The following TMCC2 variants were observed in gnomAD, a reference collection of about 807,000 sequenced individuals.
TMCC2 encodes the protein transmembrane and coiled-coil domain family 2, also known as transmembrane and coiled-coil domains protein 2.
Under a neutral mutation model 49.4 loss-of-function variants are expected in TMCC2, and 16 were observed. The ratio of observed to expected loss-of-function variants is 0.32; its 90% CI spans 0.22 to 0.49. TMCC2 has a LOEUF of 0.49. TMCC2 is among the 20% of genes least tolerant of loss of function. The pLI, the probability that TMCC2 is intolerant of heterozygous loss-of-function variation, is 0.99. For missense variants in TMCC2, 762 were observed against 989.8 expected (o/e 0.77, Z 3.09); for synonymous variants, 397 against 434.1 (o/e 0.91, Z 1.06).
At chr1:205,271,741 G>A in intron 4 of TMCC2, 72 bp from the exon 5 acceptor site, 1 of 1,543,238 alleles carries the variant, frequency 6.5e-7, no homozygotes, top group Non-Finnish European at 8.7e-7. Flanking sequence ...TTCTCAGTGG[G>A]GTAGGTAGGT....
rs942208880 is a variant in TMCC2, at chr1:205,241,362, C to T, written c.208-143C>T. The T allele has an allele frequency of 7.5e-6, 7 of 930,868 alleles. No individual in the cohort carries two copies. In the African/African-American group the frequency reaches 1.2e-4, roughly 16 times the overall value. The allele number at this position is 930,868 out of a possible 1,614,324, so 57.7% of individuals were successfully genotyped here. ...AAACTGACCCTTTATGCACGACGGG[C>T]CATCCACAGAGATCTTCCAGGTTCA... On this transcript the variant is annotated intron_variant, in intron 1 of 4. Coordinates refer to ENST00000358024, the MANE Select transcript of TMCC2 (RefSeq NM_014858.4). This position sits in a 1 kb window ranked among gnomAD's most constrained non-coding sequence, Gnocchi z 7.3.
intron 2 of TMCC2, among the ~76,000 whole-genome samples, chr1:205,266,382 G>A (rs1396524864): frequency 6.6e-6 from 1 of 151,890 alleles, no homozygotes; most frequent in African/African-American, 2.4e-5. Context: ...CCTGAGATGA[G>A]GAGTTGAAGA....
chr1:205,247,807 C>T (rs569657838), intron 2 of TMCC2, among the ~76,000 whole-genome samples: 2 of 147,276 alleles, frequency 1.4e-5, no homozygotes, highest in South Asian at 4.4e-4. Flanking sequence ...GGCTTTCGGA[C>T]CAGAGCAGCC....
chr1:205,242,434 A>G (rs1660309228), intron 2 of TMCC2, among the ~76,000 whole-genome samples: 1 of 152,200 alleles, frequency 6.6e-6, no homozygotes, highest in Admixed American at 6.5e-5. Flanking sequence ...GAAAATGAGG[A>G]TAATAATAGT....
At chr1:205,247,351 C>T (rs994144071) in intron 2 of TMCC2, among the ~76,000 whole-genome samples, 5 of 152,262 alleles carry the variant, frequency 3.3e-5, no homozygotes, top group African/African-American at 9.6e-5. Flanking sequence ...TCACTGAACC[C>T]GGCTGGGGAC....
At chr1:205,260,915 C>T (rs1239823863) in intron 2 of TMCC2, among the ~76,000 whole-genome samples, 1 of 152,142 alleles carries the variant, frequency 6.6e-6, no homozygotes, top group Non-Finnish European at 1.5e-5. Context: ...ATTTTGTTGA[C>T]CCATTCATCA....
At chr1:205,268,768 T>C (rs2102612671) in intron 2 of TMCC2, 182 bp from the exon 3 acceptor site, 2 of 623,394 alleles carry the variant, frequency 3.2e-6, no homozygotes, top group Non-Finnish European at 5.6e-6. Context: ...GGGGACGGGG[T>C]AGAGAGCAGA....
At chr1:205,255,687 G>T (rs1465675034) in intron 2 of TMCC2, among the ~76,000 whole-genome samples, 1 of 152,064 alleles carries the variant, frequency 6.6e-6, no homozygotes, top group Non-Finnish European at 1.5e-5. Flanking sequence ...ATTGTTTTAC[G>T]ATGTCAGTAT....
rs117311663 is a variant in TMCC2, at chr1:205,247,624, G to T, written c.747+5580G>T. ...AGGCCCTGGGCTGGTGTGAGAAGCA[G>T]TAGTGGTTCTGCCCTGATCTCTGGG... On this transcript the variant is annotated intron_variant, in intron 2 of 4. Transcript: ENST00000358024. 5.1e-4 allele frequency among the ~76,000 whole-genome samples: 77 copies of T among 152,318 alleles called. 1 individual carries two copies. In the East Asian group the frequency reaches 8.5e-3, roughly 17 times the overall value.
At chr1:205,229,257 C>T in intron 1 of TMCC2, 2 of 488,352 alleles carry the variant, frequency 4.1e-6, no homozygotes, top group African/African-American at 2.1e-5. Flanking sequence ...GGCGCGATCT[C>T]GGCTCACTGC....
In TMCC2 at chr1:205,271,266, G is replaced by A. The variant is rs200167116; in HGVS notation, c.1818+11G>A. ...GCACGGGACATCCAGGTATGGCCAG[G>A]GCAACCTTGGGAGGCCCCAGATGTG... is the stretch of plus-strand genomic sequence containing the variant. On this transcript the variant is annotated intron_variant, in intron 4 of 4. Coordinates refer to ENST00000358024, the MANE Select transcript of TMCC2 (RefSeq NM_014858.4). 303 of 1,614,042 alleles carry A rather than the reference G, an allele frequency of 1.9e-4. 5 individuals are homozygous for A. The South Asian group carries it at 2.5e-3, about 13-fold the overall frequency.
chr1:205,249,566 G>A (rs1274239467), intron 2 of TMCC2, among the ~76,000 whole-genome samples: 1 of 152,226 alleles, frequency 6.6e-6, no homozygotes, highest in African/African-American at 2.4e-5. Flanking sequence ...TTGCATGGGA[G>A]GCTGAAGGGG....
At chr1:205,244,209 GT>G (rs1177220421) in intron 2 of TMCC2, among the ~76,000 whole-genome samples, 1 of 152,196 alleles carries the variant, frequency 6.6e-6, no homozygotes, top group Admixed American at 6.5e-5. Flanking sequence ...GGTTTTGTTG[GT>G]TTTTTTAAGT....
chr1:205,250,013 T>C (rs1398256520), intron 2 of TMCC2, among the ~76,000 whole-genome samples: 4 of 152,250 alleles, frequency 2.6e-5, no homozygotes, highest in Non-Finnish European at 4.4e-5. Context: ...CTTCCTTTAG[T>C]CTGATTTGAA....
rs1659659925 is a variant in TMCC2 at position 205,228,570 on chromosome 1, G to C, written c.6G>C (p.Lys2Asn). The C allele has an allele frequency of 6.2e-7, 1 of 1,607,398 alleles. No homozygotes were observed. The highest frequency in any genetic ancestry group is 1.7e-5 in the Admixed American group (1 of 59,736). The change falls in exon 1 of 5, where the codon AAG (lysine) becomes AAC (asparagine). Residue 2 changes from lysine (K) to asparagine (N), a missense_variant. Transcript: ENST00000358024. M[K>N]RCRSDELQQQ... ...CTTGCCGACCCACATACACCATGAA[G>C]AGGTGCAGATCGGACGAGCTGCAGC...
At chr1:205,263,158 C>T (rs1045399549) in intron 2 of TMCC2, among the ~76,000 whole-genome samples, 1 of 152,074 alleles carries the variant, frequency 6.6e-6, no homozygotes, top group Admixed American at 6.6e-5. Flanking sequence ...CACACACACC[C>T]CTAAGCACGA....
intron 1 of TMCC2, among the ~76,000 whole-genome samples, chr1:205,230,455 T>C (rs1659745035): frequency 6.6e-6 from 1 of 152,032 alleles, no homozygotes; most frequent in Non-Finnish European, 1.5e-5. Flanking sequence ...GTCCATCCCA[T>C]GTGGTCAGGA....
rs760187301 is a variant in TMCC2 at position 205,269,558 on chromosome 1, G to A, written c.1356G>A (p.Gly452=). 3.0e-5 allele frequency: 49 copies of A among 1,613,714 alleles called. No individual in the cohort carries two copies. Among genetic ancestry groups the A allele is most frequent in the African/African-American group, 6.7e-5 (5 of 74,934 alleles). Residue 452 remains glycine, a synonymous_variant, in exon 3 of 5, where the codon GGG becomes GGA. Transcript: ENST00000358024. ...IAHLKDPLED[G]PPEEAARALS... is the part of the protein sequence containing the mutation. ...ACCTGAAGGACCCCCTGGAAGATGG[G>A]CCCCCTGAGGAGGCAGCCCGGGCAC...
chr1:205,244,044 T>C (rs1660368183), intron 2 of TMCC2, among the ~76,000 whole-genome samples: 1 of 152,100 alleles, frequency 6.6e-6, no homozygotes, highest in African/African-American at 2.4e-5. Context: ...GCAGGTCACA[T>C]CTGGGTTTGG....
Sources: allele counts gnomAD v4.1 joint callset (sites outside exome capture counted in the v4.1 genomes callset), GRCh38; gene constraint gnomAD v4.1.1; non-coding constraint Gnocchi (gnomAD v3.1); transcripts MANE v1.5; gene names NCBI Gene and HGNC (gene_info 2026-07-23, HGNC 2026-07-21).